The following FGD5 variants were observed in gnomAD, a reference collection of about 807,000 sequenced individuals.
FGD5 encodes the protein FYVE, RhoGEF and PH domain-containing protein 5.
FGD5 carries 28 observed loss-of-function variants against 133.4 expected under a neutral mutation model. The observed-to-expected ratio is 0.21, with a 90% CI of 0.16 to 0.29. The LOEUF (loss-of-function observed/expected upper bound fraction) is 0.29, where lower values mean the gene tolerates loss of function less well. Ranked by LOEUF, FGD5 falls within the 10% of genes least tolerant of loss-of-function variation. The pLI, the probability that FGD5 is intolerant of heterozygous loss-of-function variation, is 1.00. For synonymous variants in FGD5, 810 were observed against 776.5 expected (o/e 1.04, Z -0.72); for missense variants, 1,858 against 1,895.2 (o/e 0.98, Z 0.36).
intron 1 of FGD5, among the ~76,000 whole-genome samples, chr3:14,812,036 A>ATG (rs56994528): frequency 0.53 from 78,784 of 147,942 alleles, 21,909 homozygotes; most frequent in East Asian, 0.82. Flanking sequence ...GTGTGTATGT[A>ATG]TGTGTGTGTG....
chr3:14,814,589 C>T (rs147522965), upstream of FGD5, among the ~76,000 whole-genome samples: 1 of 152,266 alleles, frequency 6.6e-6, no homozygotes, highest in African/African-American at 2.4e-5. Flanking sequence ...CTCCTTGGCC[C>T]TGCCCTCTTC....
chr3:14,819,997 C>A lies in FGD5; in HGVS notation c.926C>A (p.Ala309Asp), dbSNP rs758923942. The change falls in exon 1 of 20, where the codon GCC becomes GAC. Residue 309 changes from alanine to aspartate, a missense_variant. By Grantham distance (126) the Ala-to-Asp change is moderately radical. Around this residue, in one of 3 missense-constraint regions of FGD5, gnomAD observed 1,824 missense variants for 1,848.9 expected, o/e 0.99. Coordinates refer to ENST00000285046, the MANE Select transcript of FGD5 (RefSeq NM_152536.4). This position sits in a 1 kb window ranked among gnomAD's most constrained non-coding sequence, Gnocchi z 4.1. ...HEKKTNQEVA[A>D]ATLEDHAQDE... is the part of the protein sequence containing the mutation. The stretch of plus-strand genomic sequence containing the variant: ...AAGAAAACCAACCAAGAAGTGGCAG[C>A]CGCCACCCTGGAGGACCATGCACAG... The A allele has an allele frequency of 1.2e-6, 2 of 1,613,488 alleles. No homozygotes were observed. The highest frequency in any genetic ancestry group is 2.7e-5 in the African/African-American group (2 of 74,888).
intron 4 of FGD5, chr3:14,897,290 G>C: frequency 1.8e-6 from 1 of 558,666 alleles, no homozygotes; most frequent in Non-Finnish European, 3.1e-6. Context: ...CGTTGGGTTG[G>C]GTGCTCTTTG....
intron 1 of FGD5, among the ~76,000 whole-genome samples, chr3:14,812,055 A>AT (rs1345714331): frequency 1.0e-4 from 14 of 137,668 alleles, no homozygotes; most frequent in African/African-American, 3.5e-4. Context: ...TGTGTGTAGG[A>AT]TTTTTTCTTT....
chr3:14,834,134 A>G (rs999121911), intron 1 of FGD5, among the ~76,000 whole-genome samples: 2 of 152,226 alleles, frequency 1.3e-5, no homozygotes, highest in African/African-American at 2.4e-5. Flanking sequence ...TGAGATTGTC[A>G]TGGTGGATAG....
At chr3:14,897,843 C>G (rs2038165507) in intron 5 of FGD5, 96 bp from the exon 6 acceptor site, 7 of 1,529,866 alleles carry the variant, frequency 4.6e-6, no homozygotes, top group African/African-American at 1.4e-5. Flanking sequence ...GAGCTGGGAT[C>G]TGCACCCAGG....
At chr3:14,860,447 G>C (rs771800357) in intron 1 of FGD5, among the ~76,000 whole-genome samples, 8 of 152,098 alleles carry the variant, frequency 5.3e-5, no homozygotes, top group Non-Finnish European at 1.0e-4. Context: ...CAGAGCACCT[G>C]AACCTTTGCC....
intron 1 of FGD5, among the ~76,000 whole-genome samples, chr3:14,823,282 G>T (rs181960476): frequency 2.0e-5 from 3 of 152,158 alleles, no homozygotes; most frequent in Admixed American, 2.0e-4. Context: ...CCTCTAACAG[G>T]TGCTTACCCA....
At chr3:14,839,496 A>G (rs548356623) in intron 1 of FGD5, among the ~76,000 whole-genome samples, 44 of 152,332 alleles carry the variant, frequency 2.9e-4, no homozygotes, top group African/African-American at 1.0e-3. Flanking sequence ...TACTGAGTGT[A>G]TAGAGATCCT....
rs752009873 is a variant in FGD5 at position 14,820,125 on chromosome 3, A to C, written c.1054A>C (p.Thr352Pro). Reference sequence around the variant, plus strand: ...AGGAAGCCCCTATGAGTTCTTCCCAACTGAGAGCACCTCTTTTTGCAGCGA... The same window carrying C: ...AGGAAGCCCCTATGAGTTCTTCCCACCTGAGAGCACCTCTTTTTGCAGCGA... Reference protein sequence around the residue: ...LTGSPYEFFPTESTSFCSESC... With the variant: ...LTGSPYEFFPPESTSFCSESC... Residue 352 changes from threonine (T) to proline (P), a missense_variant, in exon 1 of 20, where the codon ACT becomes CCT. This residue lies in a region of FGD5 where 1,824 missense variants were observed against 1,848.9 expected (regional missense o/e 0.99). Transcript: ENST00000285046. 1.9e-6 allele frequency: 3 copies of C among 1,614,006 alleles called. No homozygotes were observed. Among genetic ancestry groups the C allele is most frequent in the Admixed American group, 3.3e-5 (2 of 60,016 alleles).
chr3:14,874,672 G>C (rs1260837104), intron 2 of FGD5, among the ~76,000 whole-genome samples: 1 of 152,194 alleles, frequency 6.6e-6, no homozygotes, highest in African/African-American at 2.4e-5. Flanking sequence ...CAGCAGGTTG[G>C]AGGCCAAGTC....
At chr3:14,925,764 A>G (rs2038790985) in intron 17 of FGD5, among the ~76,000 whole-genome samples, 1 of 152,240 alleles carries the variant, frequency 6.6e-6, no homozygotes, top group Admixed American at 6.5e-5. Context: ...CTTTCGCCGA[A>G]GTACCTGAAC....
Position 14,908,349 on chromosome 3 carries a change from A to G in FGD5, c.3336+638A>G, listed in dbSNP as rs568492521. ...TTGTATCTCCAGAATTACGGGGGCT[A>G]TAGCAGCTGTTCCCAGGTCTTCAGC... is the stretch of plus-strand genomic sequence containing the variant. On this transcript the variant is annotated intron_variant, in intron 10 of 19. Coordinates refer to ENST00000285046, the MANE Select transcript of FGD5 (RefSeq NM_152536.4). Among the ~76,000 whole-genome samples the G allele has an allele frequency of 3.3e-5, 5 of 152,284 alleles. No homozygotes were observed. The South Asian group carries it at 1.0e-3, about 32-fold the overall frequency.
In FGD5 at chr3:14,819,360, G is replaced by A. The variant is rs1575184911; in HGVS notation, c.289G>A (p.Glu97Lys). 34 of 1,548,284 alleles carry A rather than the reference G, an allele frequency of 2.2e-5. No individual in the cohort carries two copies. Among genetic ancestry groups the A allele is most frequent in the Non-Finnish European group, 2.9e-5 (33 of 1,145,606 alleles). Residue 97 changes from glutamate (E) to lysine (K), a missense_variant, in exon 1 of 20, where the codon GAA becomes AAA. Glu to Lys is a moderately conservative substitution (Grantham distance 56). Transcript: ENST00000285046. The surrounding 1 kb of genome is among the most constrained non-coding windows in gnomAD (Gnocchi z 4.1). ...KALVSPESSA[E>K]EEEEREEGGE... ...CCTGGTGTCTCCCGAGTCCTCTGCG[G>A]AAGAGGAAGAGGAGCGTGAAGAGGG...
upstream of FGD5, chr3:14,818,872 C>A: frequency 1.5e-6 from 2 of 1,367,768 alleles, no homozygotes; most frequent in Non-Finnish European, 1.9e-6. Flanking sequence ...TCTGTGGCGT[C>A]CCCTGCAACT....
Position 14,864,210 on chromosome 3 carries a change from A to G in FGD5, c.2608A>G (p.Ser870Gly). The G allele has an allele frequency of 6.2e-7, 1 of 1,614,042 alleles. No individual in the cohort carries two copies. The change falls in exon 2 of 20, where the codon AGC becomes GGC. Residue 870 changes from serine to glycine, a missense_variant. Transcript: ENST00000285046. ...EDLTSDEEQR[S>G]SEEEDSASRD... ...CCTTACGTCGGATGAAGAGCAGAGA[A>G]GCTCGGAGGAGGAGGACAGTGCTTC... is the stretch of plus-strand genomic sequence containing the variant.
intron 4 of FGD5, chr3:14,897,301 G>A (rs1163548723): frequency 3.5e-6 from 2 of 579,218 alleles, no homozygotes; most frequent in Non-Finnish European, 3.0e-6. Flanking sequence ...GTGCTCTTTG[G>A]GTGTCAGCTC....
intron 2 of FGD5, among the ~76,000 whole-genome samples, chr3:14,865,314 A>C (rs867078226): frequency 4.7e-4 from 72 of 152,294 alleles, no homozygotes; most frequent in African/African-American, 1.7e-3. Context: ...AAGTGAATGC[A>C]CTCAGCACAG....
chr3:14,892,166 A>G (rs2125127724), intron 4 of FGD5, among the ~76,000 whole-genome samples: 1 of 151,268 alleles, frequency 6.6e-6, no homozygotes, highest in East Asian at 1.9e-4. Context: ...GGCACTTTCT[A>G]CTTTTCAATC....
Sources: gnomAD v4.1 joint callset for allele counts (sites outside exome capture counted in the v4.1 genomes callset) on GRCh38, gnomAD v4.1.1 for gene constraint, gnomAD v4.1.1 regional missense constraint, Gnocchi (gnomAD v3.1) non-coding constraint, MANE v1.5 for transcripts, NCBI Gene and HGNC (gene_info 2026-07-23, HGNC 2026-07-21) for gene names.